Variants in TRIO observed in about 807,000 individuals in gnomAD.
TRIO encodes triple functional domain protein.
In TRIO, 58 loss-of-function variants were observed where a neutral mutation model predicts 351.9. The observed-to-expected ratio is 0.16, with a 90% confidence interval of 0.13 to 0.21. TRIO has a LOEUF of 0.21. Ranked by LOEUF, TRIO falls within the 10% of genes least tolerant of loss-of-function variation. The pLI, the probability that TRIO is intolerant of heterozygous loss-of-function variation, is 1.00. For synonymous variants in TRIO, 1,758 were observed against 1,595.7 expected (o/e 1.10, Z -2.42); for missense variants, 3,201 against 4,027.8 (o/e 0.79, Z 5.56).
chr5:14,221,897 G>A (rs1294329160), intron 1 of TRIO, among the ~76,000 whole-genome samples: 1 of 152,242 alleles, frequency 6.6e-6, no homozygotes, highest in Non-Finnish European at 1.5e-5. Context: ...TTCGAAAGAA[G>A]TTCTGCTGTG....
At chr5:14,381,030 C>T in intron 20 of TRIO, 100 bp from the exon 21 acceptor site, 4 of 1,427,178 alleles carry the variant, frequency 2.8e-6, no homozygotes, top group South Asian at 3.4e-5. Context: ...ATGCTGCCAG[C>T]CTTGGTTTGT....
At chr5:14,157,763 T>C (rs1788203909) in intron 1 of TRIO, among the ~76,000 whole-genome samples, 2 of 151,858 alleles carry the variant, frequency 1.3e-5, no homozygotes, top group Admixed American at 1.3e-4. Context: ...TTTTGTATCT[T>C]TTTTTGTAGA....
At position 14,507,459 on chromosome 5, in the gene TRIO, A is replaced by G. The variant is rs577131080; in HGVS notation, c.8751+199A>G. Among the ~76,000 whole-genome samples the G allele has an allele frequency of 9.2e-4, 140 of 152,342 alleles. 1 individual carries two copies. The highest frequency in any genetic ancestry group is 3.1e-3 in the African/African-American group (131 of 41,592). On this transcript the variant is annotated intron_variant, in intron 56 of 56. Transcript: ENST00000344204. ...CAGTGATGCACACGGTCAGGAGCACACTGGGTAAAACGCCGGAGCCCTCCC... is the reference window on the plus strand; with the variant it reads ...CAGTGATGCACACGGTCAGGAGCACGCTGGGTAAAACGCCGGAGCCCTCCC...
chr5:14,429,825 G>C (rs1750941961), intron 34 of TRIO, among the ~76,000 whole-genome samples: 1 of 152,204 alleles, frequency 6.6e-6, no homozygotes, highest in Non-Finnish European at 1.5e-5. Flanking sequence ...ATGTAAATAA[G>C]TGAATAGATA....
At chr5:14,260,236 A>G (rs799093) in intron 1 of TRIO, among the ~76,000 whole-genome samples, 324 of 152,350 alleles carry the variant, frequency 2.1e-3, no homozygotes, top group African/African-American at 7.5e-3. Flanking sequence ...AATGAAAAGT[A>G]ACACTTTTAA....
intron 1 of TRIO, among the ~76,000 whole-genome samples, chr5:14,237,337 G>C (rs928091616): frequency 6.6e-6 from 1 of 152,156 alleles, no homozygotes; most frequent in Non-Finnish European, 1.5e-5. Flanking sequence ...TTGGATTTGG[G>C]ACATTCAACA....
chr5:14,390,757 TTCAGTAGC>T, intron 26 of TRIO, 136 bp from the exon 27 acceptor site: 1 of 673,166 alleles, frequency 1.5e-6, no homozygotes, highest in Non-Finnish European at 2.4e-6. Context: ...TGTTTCTTAT[TTCAGTAGC>T]TTTCTTTTTA....
chr5:14,457,648 G>A (rs1336271901), intron 34 of TRIO, among the ~76,000 whole-genome samples: 2 of 152,062 alleles, frequency 1.3e-5, no homozygotes, highest in Non-Finnish European at 2.9e-5. Flanking sequence ...ACGCCAGCTG[G>A]GTGCCACAAA....
intron 1 of TRIO, among the ~76,000 whole-genome samples, chr5:14,178,102 C>A (rs1476874034): frequency 6.6e-6 from 1 of 151,990 alleles, no homozygotes; most frequent in Non-Finnish European, 1.5e-5. Context: ...TTCATTTTGC[C>A]ACTTCTTTTA....
chr5:14,349,419 C>G (rs1329400232), intron 11 of TRIO, among the ~76,000 whole-genome samples: 1 of 152,014 alleles, frequency 6.6e-6, no homozygotes, highest in Admixed American at 6.5e-5. Flanking sequence ...TTTCCTTGCT[C>G]TTTTTTTTAA....
chr5:14,204,220 A>G (rs1406012082), intron 1 of TRIO, among the ~76,000 whole-genome samples: 1 of 152,162 alleles, frequency 6.6e-6, no homozygotes, highest in Admixed American at 6.5e-5. Context: ...TGACCTCACA[A>G]TAAAATACTG....
intron 9 of TRIO, among the ~76,000 whole-genome samples, chr5:14,317,347 T>G (rs1001589735): frequency 1.3e-5 from 2 of 152,170 alleles, no homozygotes; most frequent in Non-Finnish European, 2.9e-5. Context: ...AAATATGACA[T>G]AGCTTTAGGG....
At chr5:14,241,549 CTTTA>C (rs1463593472) in intron 1 of TRIO, among the ~76,000 whole-genome samples, 3 of 152,112 alleles carry the variant, frequency 2.0e-5, no homozygotes, top group East Asian at 1.9e-4. Flanking sequence ...TCTTAAAACC[CTTTA>C]TTTAATTGAA....
At chr5:14,432,247 C>T (rs995978098) in intron 34 of TRIO, among the ~76,000 whole-genome samples, 1 of 151,380 alleles carries the variant, frequency 6.6e-6, no homozygotes, top group African/African-American at 2.4e-5. Context: ...AGAAAAATCA[C>T]GTAACCAAAC....
intron 12 of TRIO, among the ~76,000 whole-genome samples, chr5:14,358,977 T>C (rs1052047801): frequency 1.3e-5 from 2 of 152,236 alleles, no homozygotes; most frequent in African/African-American, 2.4e-5. Flanking sequence ...AAAGGCTTAA[T>C]TGATTGCATT....
At chr5:14,277,624 A>G (rs1425109022) in intron 2 of TRIO, among the ~76,000 whole-genome samples, 1 of 152,150 alleles carries the variant, frequency 6.6e-6, no homozygotes, top group Non-Finnish European at 1.5e-5. Flanking sequence ...CAGTGCTGTT[A>G]TTTTTACTAG....
At position 14,370,800 on chromosome 5, in the gene TRIO, C is replaced by T. The variant is rs116498284; in HGVS notation, c.3216+1277C>T. ...CTGCTTAAGTTTACCAAATGCTGAC[C>T]GCTGTTAGGATTTCGAGGTGGAATC... On this transcript the variant is annotated intron_variant, in intron 18 of 56. Transcript: ENST00000344204. Among the ~76,000 whole-genome samples the T allele has an allele frequency of 6.3e-3, 959 of 152,276 alleles. 12 individuals are homozygous for T. Among genetic ancestry groups the T allele is most frequent in the African/African-American group, 0.022 (906 of 41,556 alleles).
intron 1 of TRIO, among the ~76,000 whole-genome samples, chr5:14,257,435 A>G (rs1795086213): frequency 1.4e-5 from 2 of 147,012 alleles, no homozygotes; most frequent in South Asian, 4.3e-4. Context: ...CTCTTCCAGG[A>G]AAAAAAAAAA....
chr5:14,187,121 G>A (rs1202486088), intron 1 of TRIO, among the ~76,000 whole-genome samples: 1 of 152,222 alleles, frequency 6.6e-6, no homozygotes, highest in East Asian at 1.9e-4. Flanking sequence ...CCTGATGCTA[G>A]TATTTTAGGG....
Sources: allele counts gnomAD v4.1 joint callset (sites outside exome capture counted in the v4.1 genomes callset), GRCh38; gene constraint gnomAD v4.1.1; transcripts MANE v1.5; gene names NCBI Gene and HGNC (gene_info 2026-07-23, HGNC 2026-07-21).